SENP1: variants seen among roughly 807,000 people sequenced by gnomAD.
The protein encoded by SENP1 is sentrin-specific protease 1.
SENP1 carries 21 observed loss-of-function variants against 93.0 expected under a neutral mutation model. The observed-to-expected ratio is 0.23, with a 90% CI of 0.16 to 0.33. The LOEUF is 0.33. Ranked by LOEUF, SENP1 falls within the 10% of genes least tolerant of loss-of-function variation. The pLI, the probability that SENP1 is intolerant of heterozygous loss-of-function variation, is 1.00. For missense variants in SENP1, 591 were observed against 758.7 expected, an observed-to-expected ratio of 0.78 and a Z score of 2.60; for synonymous variants, 256 against 259.6, an observed-to-expected ratio of 0.99 and a Z score of 0.13.
At chr12:48,047,198 G>C in intron 15 of SENP1, 136 bp from the exon 16 acceptor site, 1 of 578,408 alleles carries the variant, frequency 1.7e-6, no homozygotes. Flanking sequence ...TATAATACTG[G>C]GCAGGGAATC....
chr12:48,065,645 A>G lies in SENP1; in HGVS notation c.1070T>C (p.Leu357Ser). 1 of 1,562,566 alleles carries G rather than the reference A, an allele frequency of 6.4e-7. No individual in the cohort carries two copies. Among genetic ancestry groups the G allele is most frequent in the Non-Finnish European group, 8.7e-7 (1 of 1,151,770 alleles). Reference sequence around the variant, plus strand: ...TGCCTTCTGTTCTTCAATCTGGCGCAATCTTTCTCGTGCTCGAGAATCATA... The same window carrying G: ...TGCCTTCTGTTCTTCAATCTGGCGCGATCTTTCTCGTGCTCGAGAATCATA... ...SVYDSRARERLRQIEEQKALA... is the reference protein window; with the variant it reads ...SVYDSRARERSRQIEEQKALA... The change falls in exon 11 of 18, where the codon TTG (leucine) becomes TCG (serine). Residue 357 changes from leucine to serine, a missense_variant. Leu to Ser is a moderately radical substitution (Grantham distance 145). Around this residue, in one of 4 missense-constraint regions of SENP1, gnomAD observed 238 missense variants for 259.1 expected, o/e 0.92. Transcript: ENST00000549518.
chr12:48,048,537 A>G (rs2136756907), intron 14 of SENP1, among the ~76,000 whole-genome samples: 1 of 152,362 alleles, frequency 6.6e-6, no homozygotes, highest in Non-Finnish European at 1.5e-5. Context: ...TTATTAACAC[A>G]TTAAGCTAAT....
intron 6 of SENP1, among the ~76,000 whole-genome samples, chr12:48,079,332 T>C (rs1341928881): frequency 1.3e-5 from 2 of 151,862 alleles, no homozygotes; most frequent in Non-Finnish European, 2.9e-5. Flanking sequence ...ACTCCGTCTC[T>C]ACTGAAAATA....
chr12:48,084,912 A>G, intron 5 of SENP1: 1 of 490,002 alleles, frequency 2.0e-6, no homozygotes, highest in South Asian at 3.6e-5. Flanking sequence ...AAATCATTAC[A>G]TGTGGTCTGA....
chr12:48,074,416 G>A lies in SENP1; in HGVS notation c.848C>T (p.Ser283Phe). The A allele has an allele frequency of 1.2e-6, 2 of 1,613,702 alleles. No homozygotes were observed. The highest frequency in any genetic ancestry group is 3.3e-5 in the Admixed American group (2 of 60,002). ...ATGATGAAGAGTACCAGAATCTTTG[G>A]ATCCAAATGCAACATCTGGGGTATA... ...SSYTPDVAFG[S>F]KDSGTLHHPH... Residue 283 changes from serine (S) to phenylalanine (F), a missense_variant, in exon 8 of 18, where the codon TCC (serine) becomes TTC (phenylalanine). Physicochemically the swap from Ser to Phe is radical, Grantham distance 155. Coordinates refer to ENST00000549518, the MANE Select transcript of SENP1 (RefSeq NM_001267594.2).
chr12:48,097,827 G>T, intron 3 of SENP1, 167 bp downstream of exon 3: 1 of 587,304 alleles, frequency 1.7e-6, no homozygotes, highest in Non-Finnish European at 2.8e-6. Flanking sequence ...TAACGTCCTT[G>T]TCTTAATTTT....
intron 9 of SENP1, among the ~76,000 whole-genome samples, chr12:48,069,351 G>A (rs369557576): frequency 4.6e-5 from 7 of 152,112 alleles, no homozygotes; most frequent in African/African-American, 1.4e-4. Context: ...AGGCAGTAGT[G>A]GAGAATTAAG....
intron 13 of SENP1, among the ~76,000 whole-genome samples, chr12:48,059,755 G>A (rs1942832509): frequency 6.6e-6 from 1 of 152,110 alleles, no homozygotes; most frequent in Non-Finnish European, 1.5e-5. Context: ...TCAGTTTCAG[G>A]CTTTTGAGGT....
Position 48,049,148 on chromosome 12 carries a change from A to G in SENP1, c.1408-16T>C, listed in dbSNP as rs1431841910. 6.2e-7 allele frequency: 1 copy of G among 1,600,344 alleles called. No individual in the cohort carries two copies. Among genetic ancestry groups the G allele is most frequent in the Middle Eastern group, 1.7e-4 (1 of 6,036 alleles). The stretch of plus-strand genomic sequence containing the variant: ...AATTGATGATCTGTGGGAAGAAATT[A>G]CACCTATTAGAATAGACACTCAGGC... On this transcript the variant is annotated splice_polypyrimidine_tract_variant and intron_variant, in intron 13 of 17. Transcript: ENST00000549518.
chr12:48,105,819 ACGGCCACCGGCGGCCACAGCG>A, intron 1 of SENP1, 188 bp downstream of exon 1: 1 of 595,626 alleles, frequency 1.7e-6, no homozygotes, highest in East Asian at 2.8e-5. Context: ...AGGTAGCCTA[ACGGCCACCGGCGGCCACAGCG>A]CGGCCACCGG....
intron 9 of SENP1, among the ~76,000 whole-genome samples, chr12:48,068,923 T>C (rs1592360978): frequency 2.6e-5 from 4 of 151,400 alleles, no homozygotes; most frequent in South Asian, 4.2e-4. Context: ...GAGGCTGAGG[T>C]GGGTGGAACA....
rs1941119495 is a variant in SENP1 at position 48,043,318 on chromosome 12, C to T, written c.*2004G>A. On this transcript the variant is annotated 3_prime_UTR_variant, in exon 18 of 18. Coordinates refer to ENST00000549518, the MANE Select transcript of SENP1 (RefSeq NM_001267594.2). ...TACAAAGTCTGTGAGGAAGGTAAGACAGATGTTACCTAAATGGACAAACAA... is the reference window on the plus strand; with the variant it reads ...TACAAAGTCTGTGAGGAAGGTAAGATAGATGTTACCTAAATGGACAAACAA... 1 of 152,604 alleles carries T rather than the reference C, an allele frequency of 6.6e-6. No individual in the cohort carries two copies. Among genetic ancestry groups the T allele is most frequent in the South Asian group, 2.1e-4 (1 of 4,832 alleles). The allele number at this position is 152,604 out of a possible 1,614,324, so 9.5% of individuals were successfully genotyped here. A position where few individuals can be genotyped will look rare whatever the true frequency, so the allele number is the denominator to read the frequency against.
intron 4 of SENP1, among the ~76,000 whole-genome samples, chr12:48,093,025 C>T (rs914355267): frequency 3.3e-5 from 5 of 152,138 alleles, no homozygotes; most frequent in African/African-American, 1.2e-4. Context: ...AATGAAGGCA[C>T]ACACCCATTA....
intron 6 of SENP1, chr12:48,080,148 T>C (rs1049179606): frequency 6.6e-6 from 1 of 152,248 alleles, no homozygotes; most frequent in Middle Eastern, 3.2e-3. Flanking sequence ...ATAACAGCAT[T>C]ATCTAACAGA....
chr12:48,055,467 A>G (rs1456441074), intron 13 of SENP1: 1 of 152,248 alleles, frequency 6.6e-6, no homozygotes, highest in Non-Finnish European at 1.5e-5. Context: ...GTCAGCAGCT[A>G]TTCTTCTGGC....
intron 5 of SENP1, 185 bp downstream of exon 5, chr12:48,088,616 T>C (rs941262582): frequency 5.0e-6 from 3 of 599,176 alleles, no homozygotes; most frequent in Non-Finnish European, 8.7e-6. Context: ...CTGGCTATCA[T>C]CAAAATTCAG....
Position 48,083,615 on chromosome 12 carries a change from CCT to C in SENP1, c.526_527del (p.Arg176AlafsTer4), listed in dbSNP as rs1196281821. The C allele has an allele frequency of 6.2e-7, 1 of 1,613,672 alleles. No individual in the cohort carries two copies. The highest frequency in any genetic ancestry group is 8.5e-7 in the Non-Finnish European group (1 of 1,179,820). On this transcript the variant is annotated frameshift_variant, in exon 6 of 18. Coordinates refer to ENST00000549518, the MANE Select transcript of SENP1 (RefSeq NM_001267594.2). LOFTEE classifies it high-confidence loss of function. ...RSLLSPKKTQ[R>X]RHVSTAEETV... The stretch of plus-strand genomic sequence containing the variant: ...CCTCTTCTGCTGTACTAACATGTCG[CCT>C]CTGAGTTTTCTTGGGGCTCAAAAGA...
intron 9 of SENP1, among the ~76,000 whole-genome samples, chr12:48,067,936 C>T (rs1943409450): frequency 1.3e-5 from 2 of 152,358 alleles, no homozygotes; most frequent in Non-Finnish European, 2.9e-5. Flanking sequence ...TCTCGGCTCA[C>T]TGCAACCTCC....
chr12:48,044,949 G>A lies in SENP1; in HGVS notation c.*373C>T. ...ATGCCCTTTCCTACTTCTTAGTAAG[G>A]CCTAACAACAAGAATTTATATGAAA... On this transcript the variant is annotated 3_prime_UTR_variant, in exon 18 of 18. Coordinates refer to ENST00000549518, the MANE Select transcript of SENP1 (RefSeq NM_001267594.2). The A allele has an allele frequency of 4.4e-6, 1 of 226,504 alleles. No homozygotes were observed. Among genetic ancestry groups the A allele is most frequent in the Non-Finnish European group, 8.9e-6 (1 of 112,440 alleles). 14.0% of individuals were successfully genotyped at this position (226,504 alleles called of 1,614,324 possible).
Sources: allele counts gnomAD v4.1 joint callset (sites outside exome capture counted in the v4.1 genomes callset), GRCh38; gene constraint gnomAD v4.1.1; regional missense constraint gnomAD v4.1.1; transcripts MANE v1.5; gene names NCBI Gene and HGNC (gene_info 2026-07-23, HGNC 2026-07-21).